The following GPC6 variants were observed in gnomAD, a reference collection of about 807,000 sequenced individuals.
GPC6 encodes the protein glypican 6.
Under a neutral mutation model 55.2 loss-of-function variants are expected in GPC6, and 14 were observed. The observed-to-expected ratio is 0.25, with a 90% confidence interval of 0.17 to 0.40. The LOEUF is 0.40. Among genes scored for constraint, GPC6 ranks in the 10% least tolerant of loss-of-function variants. The pLI, the probability that GPC6 is intolerant of heterozygous loss-of-function variation, is 1.00. For synonymous variants in GPC6, 278 were observed against 259.6 expected (o/e 1.07, Z -0.68); for missense variants, 641 against 708.5 (o/e 0.90, Z 1.08).
chr13:94,380,984 G>C (rs971597808), intron 6 of GPC6, among the ~76,000 whole-genome samples: 4 of 152,176 alleles, frequency 2.6e-5, no homozygotes, highest in Middle Eastern at 3.2e-3. Context: ...CTCATGATTA[G>C]ATTCAGATTA....
intron 1 of GPC6, among the ~76,000 whole-genome samples, chr13:93,520,167 A>C (rs770366523): frequency 1.3e-5 from 2 of 151,970 alleles, no homozygotes; most frequent in Non-Finnish European, 2.9e-5. Flanking sequence ...TGTTAGAAGC[A>C]AGTTAAAATA....
At chr13:94,035,963 A>G (rs944004388) in intron 4 of GPC6, among the ~76,000 whole-genome samples, 8 of 151,986 alleles carry the variant, frequency 5.3e-5, no homozygotes, top group African/African-American at 1.7e-4. Flanking sequence ...GACTGCTGTA[A>G]TCTCTTCATC....
chr13:93,330,044 C>T (rs527609705), intron 1 of GPC6, among the ~76,000 whole-genome samples: 1 of 152,060 alleles, frequency 6.6e-6, no homozygotes, highest in East Asian at 1.9e-4. Flanking sequence ...GAATAAAGAC[C>T]AAAGTCAGCA....
intron 2 of GPC6, among the ~76,000 whole-genome samples, chr13:93,619,636 G>A (rs991659776): frequency 6.6e-6 from 1 of 152,052 alleles, no homozygotes; most frequent in African/African-American, 2.4e-5. Context: ...AAATGTTTTG[G>A]AGAGATGGAG....
chr13:94,231,655 G>C (rs77970090), intron 4 of GPC6, among the ~76,000 whole-genome samples: 4 of 152,194 alleles, frequency 2.6e-5, no homozygotes, highest in Non-Finnish European at 5.9e-5. Context: ...AGAGATCTCG[G>C]AAAATGGCTT....
intron 4 of GPC6, among the ~76,000 whole-genome samples, chr13:94,273,925 G>A (rs1251794752): frequency 6.6e-6 from 1 of 152,086 alleles, no homozygotes; most frequent in Non-Finnish European, 1.5e-5. Flanking sequence ...TTATTCCTAT[G>A]AAGAATCAAC....
Position 94,403,282 on chromosome 13 carries a change from T to G in GPC6, c.*65T>G. ...CTGAATGGCCAACTCACTTCTTTTC[T>G]TACACTCTTGGACAATGGACCATGC... On this transcript the variant is annotated 3_prime_UTR_variant, in exon 9 of 9. Transcript: ENST00000377047. 1.7e-6 allele frequency: 2 copies of G among 1,158,224 alleles called. No individual in the cohort carries two copies. The highest frequency in any genetic ancestry group is 1.5e-5 in the African/African-American group (1 of 66,440). 71.7% of individuals were successfully genotyped at this position (1,158,224 alleles called of 1,614,324 possible). A position where few individuals can be genotyped will look rare whatever the true frequency, so the allele number is the denominator to read the frequency against.
chr13:93,611,499 T>C (rs957799202), intron 2 of GPC6, among the ~76,000 whole-genome samples: 6 of 152,286 alleles, frequency 3.9e-5, no homozygotes, highest in Admixed American at 1.3e-4. Context: ...CCATAAATTA[T>C]TTTAGCATTT....
chr13:93,842,694 A>G (rs989022178), intron 3 of GPC6, among the ~76,000 whole-genome samples: 27 of 152,074 alleles, frequency 1.8e-4, no homozygotes, highest in African/African-American at 6.5e-4. Context: ...ATATCCTTCA[A>G]ATTACTGAGG....
At chr13:94,314,806 T>C (rs1876436964) in intron 6 of GPC6, among the ~76,000 whole-genome samples, 1 of 152,234 alleles carries the variant, frequency 6.6e-6, no homozygotes, top group Non-Finnish European at 1.5e-5. Flanking sequence ...ATGTATTTGC[T>C]GTATAATCAA....
At chr13:93,245,473 G>A (rs536414726) in intron 1 of GPC6, among the ~76,000 whole-genome samples, 1 of 152,248 alleles carries the variant, frequency 6.6e-6, no homozygotes, top group Non-Finnish European at 1.5e-5. Context: ...CAGAATCACC[G>A]AAAGGCTTGC....
intron 1 of GPC6, among the ~76,000 whole-genome samples, chr13:93,291,442 C>T (rs539169445): frequency 6.6e-6 from 1 of 152,234 alleles, no homozygotes; most frequent in South Asian, 2.1e-4. Flanking sequence ...CTGAACAAAA[C>T]AAAGAGGCTA....
the GPC6 span, among the ~76,000 whole-genome samples, chr13:93,219,570 CA>C: frequency 6.6e-6 from 1 of 152,018 alleles, no homozygotes; most frequent in East Asian, 1.9e-4. Flanking sequence ...GCAGACAATC[CA>C]TTCAAAATTT....
chr13:93,327,769 ATATG>A (rs997910392), intron 1 of GPC6, among the ~76,000 whole-genome samples: 1 of 151,412 alleles, frequency 6.6e-6, no homozygotes, highest in African/African-American at 2.4e-5. Flanking sequence ...TAATATATAT[ATATG>A]TATTAAACGG....
intron 2 of GPC6, among the ~76,000 whole-genome samples, chr13:93,549,681 CCCTG>C (rs1344980927): frequency 6.6e-6 from 1 of 152,046 alleles, no homozygotes; most frequent in Non-Finnish European, 1.5e-5. Flanking sequence ...CTCTATCTCA[CCCTG>C]CTGGGCCTGT....
chr13:93,955,332 AG>A (rs1250476102), intron 3 of GPC6, among the ~76,000 whole-genome samples: 2 of 151,620 alleles, frequency 1.3e-5, no homozygotes, highest in East Asian at 3.9e-4. Flanking sequence ...AATACAGTCT[AG>A]GTCTATATGA....
At chr13:93,305,856 T>C (rs1045936849) in intron 1 of GPC6, among the ~76,000 whole-genome samples, 2 of 152,216 alleles carry the variant, frequency 1.3e-5, no homozygotes, top group Non-Finnish European at 2.9e-5. Context: ...TTTTCTCCTG[T>C]TTTTCTACAT....
intron 1 of GPC6, among the ~76,000 whole-genome samples, chr13:93,349,308 C>T (rs12430561): frequency 0.089 from 13,582 of 151,952 alleles, 668 homozygotes; most frequent in East Asian, 0.12. Flanking sequence ...GATGACATGC[C>T]ATGAAGATTT....
At chr13:93,914,082 A>T (rs560362637) in intron 3 of GPC6, among the ~76,000 whole-genome samples, 14 of 151,946 alleles carry the variant, frequency 9.2e-5, no homozygotes, top group African/African-American at 3.1e-4. Context: ...TTTTTTTATT[A>T]TACTTTAAGT....
Sources: gnomAD v4.1 joint callset for allele counts (sites outside exome capture counted in the v4.1 genomes callset) on GRCh38, gnomAD v4.1.1 for gene constraint, MANE v1.5 for transcripts, NCBI Gene and HGNC (gene_info 2026-07-23, HGNC 2026-07-21) for gene names.